Variants in DPP4 observed in about 807,000 individuals in gnomAD.
DPP4 encodes the protein dipeptidyl peptidase 4.
Under a neutral mutation model 122.4 loss-of-function variants are expected in DPP4, and 93 were observed. That is an observed-to-expected ratio of 0.76 (90% CI 0.64 to 0.90). The LOEUF (loss-of-function observed/expected upper bound fraction) is 0.90, where lower values mean the gene tolerates loss of function less well. Among genes scored for constraint, DPP4 ranks in the 40% least tolerant of loss-of-function variants. The probability of loss-of-function intolerance (pLI) is 0.00; values close to 1 mark genes in which losing one functional copy is unlikely to be tolerated. For missense variants in DPP4, 914 were observed against 907.3 expected (o/e 1.01, Z -0.09); for synonymous variants, 321 against 302.9 (o/e 1.06, Z -0.62).
At chr2:162,022,218 G>C (rs1015898507) in intron 12 of DPP4, among the ~76,000 whole-genome samples, 1 of 152,194 alleles carries the variant, frequency 6.6e-6, no homozygotes, top group African/African-American at 2.4e-5. Flanking sequence ...ACAAGTCCCT[G>C]AGGGTCACCA....
At chr2:162,060,207 G>T (rs1684715284) in intron 2 of DPP4, among the ~76,000 whole-genome samples, 1 of 152,180 alleles carries the variant, frequency 6.6e-6, no homozygotes, top group Non-Finnish European at 1.5e-5. Flanking sequence ...AGGCTTTATG[G>T]AAGTGTTTAA....
chr2:161,997,469 A>G (rs1701035642), intron 23 of DPP4, among the ~76,000 whole-genome samples: 1 of 152,238 alleles, frequency 6.6e-6, no homozygotes, highest in Non-Finnish European at 1.5e-5. Context: ...AATAGAGTGC[A>G]AAATATTTAT....
At chr2:161,995,485 A>C in intron 23 of DPP4, 113 bp from the exon 24 acceptor site, 2 of 879,984 alleles carry the variant, frequency 2.3e-6, no homozygotes, top group Non-Finnish European at 3.7e-6. Flanking sequence ...TTGATACAAA[A>C]TATAGCAAAC....
At chr2:162,045,248 T>G (rs1051271355) in intron 5 of DPP4, among the ~76,000 whole-genome samples, 8 of 152,166 alleles carry the variant, frequency 5.3e-5, no homozygotes, top group Non-Finnish European at 1.2e-4. Context: ...CTTTTAAATA[T>G]GTGTGTAAGT....
Position 162,009,223 on chromosome 2 carries a change from C to A in DPP4, c.1887+18G>T. 6.2e-7 allele frequency: 1 copy of A among 1,612,838 alleles called. No homozygotes were observed. Among genetic ancestry groups the A allele is most frequent in the Non-Finnish European group, 8.5e-7 (1 of 1,179,004 alleles). ...ATTCACTAACGAATGCATACAGATTCATCAGTCAACTACTCACCCAGCCCC... is the reference window on the plus strand; with the variant it reads ...ATTCACTAACGAATGCATACAGATTAATCAGTCAACTACTCACCCAGCCCC... On this transcript the variant is annotated intron_variant, in intron 21 of 25. Transcript: ENST00000360534.
At chr2:162,026,018 C>G (rs188434676) in intron 10 of DPP4, among the ~76,000 whole-genome samples, 1 of 152,110 alleles carries the variant, frequency 6.6e-6, no homozygotes, top group Non-Finnish European at 1.5e-5. Context: ...ATTATATGTC[C>G]GTGGAATGCA....
chr2:162,074,109 G>A lies in DPP4; in HGVS notation c.-128C>T, dbSNP rs1336637747. On this transcript the variant is annotated 5_prime_UTR_variant, in exon 1 of 26. Coordinates refer to ENST00000360534, the MANE Select transcript of DPP4 (RefSeq NM_001935.4). The stretch of plus-strand genomic sequence containing the variant: ...AGTCACTCGCCGCTGGCAAGTTTCG[G>A]CCCCGAGTTAAACATTAGTGAGCGC... The A allele has an allele frequency of 6.8e-7, 1 of 1,465,064 alleles. No homozygotes were observed. The highest frequency in any genetic ancestry group is 9.0e-7 in the Non-Finnish European group (1 of 1,107,182). 90.8% of individuals were successfully genotyped at this position (1,465,064 alleles called of 1,614,324 possible).
At chr2:162,017,281 CA>C in intron 16 of DPP4, 126 bp from the exon 17 acceptor site, 4 of 771,470 alleles carry the variant, frequency 5.2e-6, no homozygotes. Context: ...TATTATAATG[CA>C]TAAGAAGTTT....
At chr2:162,004,601 A>G (rs976857271) in intron 23 of DPP4, among the ~76,000 whole-genome samples, 9 of 151,824 alleles carry the variant, frequency 5.9e-5, no homozygotes, top group African/African-American at 1.9e-4. Context: ...ACACACACAC[A>G]CGCACACACA....
chr2:162,066,482 C>G (rs1217601664), intron 2 of DPP4, among the ~76,000 whole-genome samples: 1 of 152,206 alleles, frequency 6.6e-6, no homozygotes, highest in Non-Finnish European at 1.5e-5. Flanking sequence ...CCGGTCCTCT[C>G]TATCCCACTT....
In DPP4 at chr2:162,009,200, T is replaced by C. The variant is rs187625836; in HGVS notation, c.1887+41A>G. On this transcript the variant is annotated intron_variant, in intron 21 of 25. Coordinates refer to ENST00000360534, the MANE Select transcript of DPP4 (RefSeq NM_001935.4). ...TAAAGTAACCTGCTCTGAGTGATAT[T>C]CACTAACGAATGCATACAGATTCAT... 697 of 1,594,448 alleles carry C rather than the reference T, an allele frequency of 4.4e-4. 12 individuals are homozygous for C. The Middle Eastern group carries it at 0.015, about 35-fold the overall frequency.
At chr2:162,020,167 G>A (rs1211969437) in intron 14 of DPP4, 62 bp downstream of exon 14, 1 of 1,412,926 alleles carries the variant, frequency 7.1e-7, no homozygotes, top group Non-Finnish European at 9.8e-7. Flanking sequence ...CCCTACTTCT[G>A]GGCAAAGAGG....
In DPP4 at chr2:162,024,738, C is replaced by T. The variant is rs925333829; in HGVS notation, c.1023+66G>A. On this transcript the variant is annotated intron_variant, in intron 11 of 25. Coordinates refer to ENST00000360534, the MANE Select transcript of DPP4 (RefSeq NM_001935.4). ...TTTCCTGATTCCCAGCCTTCACTCTCCCCAACTGCACAGACCCTCTGATCA... is the reference window on the plus strand; with the variant it reads ...TTTCCTGATTCCCAGCCTTCACTCTTCCCAACTGCACAGACCCTCTGATCA... The T allele has an allele frequency of 2.6e-6, 4 of 1,565,834 alleles. No homozygotes were observed. In the African/African-American group the frequency reaches 5.4e-5, roughly 21 times the overall value.
intron 19 of DPP4, among the ~76,000 whole-genome samples, chr2:162,012,244 T>C: frequency 6.6e-6 from 1 of 152,128 alleles, no homozygotes; most frequent in East Asian, 1.9e-4. Flanking sequence ...GGCCAAGATT[T>C]TAGAAGTATT....
At chr2:162,024,703 T>G in intron 11 of DPP4, 101 bp downstream of exon 11, 1 of 1,460,664 alleles carries the variant, frequency 6.8e-7, no homozygotes. Flanking sequence ...GAAGAGAAAC[T>G]CAAACTTCAT....
intron 2 of DPP4, among the ~76,000 whole-genome samples, chr2:162,055,566 G>A (rs1684542703): frequency 5.3e-5 from 8 of 151,882 alleles, no homozygotes; most frequent in Admixed American, 3.9e-4. Flanking sequence ...CTGGCATGGT[G>A]TACCTGTAAA....
At chr2:162,009,408 C>G (rs958952444) in intron 20 of DPP4, 113 bp from the exon 21 acceptor site, 1 of 857,086 alleles carries the variant, frequency 1.2e-6, no homozygotes, top group Non-Finnish European at 1.9e-6. Context: ...CTATTAGAGA[C>G]TAAAAATTGC....
At chr2:162,042,904 G>A (rs1684036298) in intron 5 of DPP4, among the ~76,000 whole-genome samples, 3 of 152,140 alleles carry the variant, frequency 2.0e-5, no homozygotes, top group African/African-American at 7.2e-5. Flanking sequence ...TGATTTGTGG[G>A]GTGTGGGTGG....
At chr2:162,051,475 G>T (rs1684381276) in intron 2 of DPP4, among the ~76,000 whole-genome samples, 1 of 152,196 alleles carries the variant, frequency 6.6e-6, no homozygotes, top group Non-Finnish European at 1.5e-5. Flanking sequence ...AATGGCTAAT[G>T]AAATACATCT....
Sources: allele counts gnomAD v4.1 joint callset (sites outside exome capture counted in the v4.1 genomes callset), GRCh38; gene constraint gnomAD v4.1.1; transcripts MANE v1.5; gene names NCBI Gene and HGNC (gene_info 2026-07-23, HGNC 2026-07-21).